Variants in NELL2 observed in about 807,000 individuals in gnomAD.
NELL2 encodes protein kinase C-binding protein NELL2.
In NELL2, 41 loss-of-function variants were observed where a neutral mutation model predicts 109.6. The observed-to-expected ratio is 0.37, with a 90% CI of 0.29 to 0.49. NELL2 has a LOEUF of 0.49. Ranked by LOEUF, NELL2 falls within the 20% of genes least tolerant of loss-of-function variation. The pLI is 0.98. For synonymous variants in NELL2, 355 were observed against 344.7 expected (o/e 1.03, Z -0.33); for missense variants, 900 against 1,008.3 (o/e 0.89, Z 1.45).
At chr12:44,875,572 C>T (rs758827007) in intron 1 of NELL2, 9 of 1,613,896 alleles carry the variant, frequency 5.6e-6, no homozygotes, top group Non-Finnish European at 7.6e-6. Flanking sequence ...CTCCTTTAAA[C>T]CCTTCTCTCT....
At chr12:44,792,073 G>C (rs745387862) in intron 3 of NELL2, among the ~76,000 whole-genome samples, 3 of 151,980 alleles carry the variant, frequency 2.0e-5, no homozygotes, top group Non-Finnish European at 4.4e-5. Context: ...TGACGAGGAT[G>C]GTGCCTCAAA....
chr12:44,909,871 C>G (rs1028143965), intron 1 of NELL2, among the ~76,000 whole-genome samples: 1 of 151,622 alleles, frequency 6.6e-6, no homozygotes, highest in African/African-American at 2.4e-5. Context: ...CAAAAATAAG[C>G]AATAGGGAAA....
In NELL2 at chr12:44,791,121, G is replaced by GTGTATATA. The variant is rs1555217774; in HGVS notation, c.336-11100_336-11099insTATATACA. Among the ~76,000 whole-genome samples the GTGTATATA allele has an allele frequency of 8.8e-3, 212 of 24,214 alleles. 13 individuals are homozygous for GTGTATATA. The highest frequency in any genetic ancestry group is 0.024 in the African/African-American group (200 of 8,490). The allele number at this position is 24,214 out of a possible 152,430, so 15.9% of individuals were successfully genotyped here. A position where few individuals can be genotyped will look rare whatever the true frequency, so the allele number is the denominator to read the frequency against. Reference sequence around the variant, plus strand: ...TGTATATATATATGTATATATATATGTATATATATATATACACACGCACAC... The same window carrying GTGTATATA: ...TGTATATATATATGTATATATATATGTGTATATATATATATATATATACACACGCACAC... On this transcript the variant is annotated intron_variant, in intron 3 of 19. Transcript: ENST00000429094.
intron 15 of NELL2, among the ~76,000 whole-genome samples, chr12:44,598,240 GTT>G (rs11356738): frequency 6.8e-6 from 1 of 147,144 alleles, no homozygotes. Flanking sequence ...CTGCTGTAAG[GTT>G]TTTTTTTTGT....
At chr12:44,888,958 T>C (rs1945504999) in intron 1 of NELL2, among the ~76,000 whole-genome samples, 1 of 152,062 alleles carries the variant, frequency 6.6e-6, no homozygotes, top group South Asian at 2.1e-4. Context: ...TCCCTGTCCC[T>C]GCTTTCCTAA....
intron 13 of NELL2, among the ~76,000 whole-genome samples, chr12:44,656,063 T>C (rs982699699): frequency 6.6e-6 from 1 of 152,214 alleles, no homozygotes; most frequent in Non-Finnish European, 1.5e-5. Flanking sequence ...TTGTTGACTG[T>C]GGCTCTTTCT....
chr12:44,542,205 C>G (rs569263321), intron 15 of NELL2, among the ~76,000 whole-genome samples: 28 of 152,200 alleles, frequency 1.8e-4, no homozygotes, highest in African/African-American at 6.7e-4. Flanking sequence ...ATCACTCCTT[C>G]CTTTTTACAA....
At chr12:44,821,813 G>C (rs7312377) in intron 2 of NELL2, among the ~76,000 whole-genome samples, 121,061 of 151,840 alleles carry the variant, frequency 0.8, 48,807 homozygotes, top group Middle Eastern at 0.94. Flanking sequence ...CGCCTCCCAG[G>C]TTCAACTGAT....
rs1939559039 is a variant in NELL2, at chr12:44,734,885, T to C, written c.995-20144A>G. Among the ~76,000 whole-genome samples the C allele has an allele frequency of 2.0e-5, 3 of 152,072 alleles. 1 individual carries two copies. Among genetic ancestry groups the C allele is most frequent in the African/African-American group, 7.2e-5 (3 of 41,438 alleles). ...TCAGCTTTTTACTTTTTAGAAATTATTTTTCTTTATTTCATTCTTGAAGGA... is the reference window on the plus strand; with the variant it reads ...TCAGCTTTTTACTTTTTAGAAATTACTTTTCTTTATTTCATTCTTGAAGGA... On this transcript the variant is annotated intron_variant, in intron 9 of 19. Coordinates refer to ENST00000429094, the MANE Select transcript of NELL2 (RefSeq NM_001145108.2).
At chr12:44,631,728 G>A (rs1221407087) in intron 13 of NELL2, among the ~76,000 whole-genome samples, 1 of 152,032 alleles carries the variant, frequency 6.6e-6, no homozygotes, top group Admixed American at 6.6e-5. Flanking sequence ...AGTATATAAT[G>A]ATGAATAGGT....
chr12:44,767,497 T>C (rs1455471771), intron 9 of NELL2, among the ~76,000 whole-genome samples: 1 of 151,866 alleles, frequency 6.6e-6, no homozygotes, highest in Non-Finnish European at 1.5e-5. Flanking sequence ...TGTCATAGTC[T>C]TTGACCCAGC....
At chr12:44,555,141 GGT>G (rs1943197679) in intron 15 of NELL2, among the ~76,000 whole-genome samples, 1 of 152,152 alleles carries the variant, frequency 6.6e-6, no homozygotes, top group African/African-American at 2.4e-5. Flanking sequence ...AACTGGTTGG[GGT>G]TCAGGTGGAG....
intron 3 of NELL2, among the ~76,000 whole-genome samples, chr12:44,809,510 G>C (rs1242184413): frequency 6.6e-6 from 1 of 152,004 alleles, no homozygotes; most frequent in Admixed American, 6.6e-5. Flanking sequence ...TGCTGATGGT[G>C]AACATACTGA....
chr12:44,911,512 G>A (rs1945779753), intron 1 of NELL2, among the ~76,000 whole-genome samples: 1 of 151,772 alleles, frequency 6.6e-6, no homozygotes, highest in East Asian at 1.9e-4. Flanking sequence ...CAAAAATTAA[G>A]TAAATGCCTG....
chr12:44,657,946 G>C (rs574636031), intron 13 of NELL2, among the ~76,000 whole-genome samples: 11 of 152,272 alleles, frequency 7.2e-5, no homozygotes, highest in African/African-American at 2.6e-4. Flanking sequence ...ACATGCGTGT[G>C]CATGTGTCTT....
intron 13 of NELL2, among the ~76,000 whole-genome samples, chr12:44,638,741 T>C (rs574845247): frequency 1.3e-5 from 2 of 152,334 alleles, no homozygotes; most frequent in African/African-American, 4.8e-5. Flanking sequence ...TCATCCACTC[T>C]ATCTCACTTG....
rs200781993 is a variant in NELL2, at chr12:44,665,562, T to C, written c.1366A>G (p.Met456Val). ...EGRHYCRENT[M>V]CVNTPGSFMC... ...AAAGAACCCGGGGTGTTGACACACA[T>C]TGTATTTTCACGACAGTAATGGCGC... The change falls in exon 13 of 20, where the codon ATG (methionine) becomes GTG (valine). Residue 456 changes from methionine to valine, a missense_variant. Met to Val is a conservative substitution (Grantham distance 21, BLOSUM62 1). Coordinates refer to ENST00000429094, the MANE Select transcript of NELL2 (RefSeq NM_001145108.2). 2.7e-5 allele frequency: 43 copies of C among 1,613,588 alleles called. No homozygotes were observed. The East Asian group carries it at 8.9e-4, about 33-fold the overall frequency.
At chr12:44,794,771 T>C (rs1318258408) in intron 3 of NELL2, among the ~76,000 whole-genome samples, 5 of 152,180 alleles carry the variant, frequency 3.3e-5, no homozygotes, top group Admixed American at 2.0e-4. Context: ...GATAGAACTA[T>C]GAGTAATTTT....
intron 15 of NELL2, among the ~76,000 whole-genome samples, chr12:44,594,907 A>C (rs1944898966): frequency 6.6e-6 from 1 of 152,190 alleles, no homozygotes; most frequent in Admixed American, 6.5e-5. Flanking sequence ...ATTAAGTTTT[A>C]TGATTTATAC....
Sources: gnomAD v4.1 joint callset for allele counts (sites outside exome capture counted in the v4.1 genomes callset) on GRCh38, gnomAD v4.1.1 for gene constraint, MANE v1.5 for transcripts, NCBI Gene and HGNC (gene_info 2026-07-23, HGNC 2026-07-21) for gene names.